NCAM2: variants seen among roughly 807,000 people sequenced by gnomAD.
NCAM2 encodes neural cell adhesion molecule 2, also known as N-CAM-2.
Under a neutral mutation model 98.1 loss-of-function variants are expected in NCAM2, and 30 were observed. The observed-to-expected ratio is 0.31, with a 90% confidence interval of 0.23 to 0.41. NCAM2 has a LOEUF of 0.41. Among genes scored for constraint, NCAM2 ranks in the 10% least tolerant of loss-of-function variants. The probability of loss-of-function intolerance (pLI) is 1.00; values close to 1 mark genes in which losing one functional copy is unlikely to be tolerated. For missense variants in NCAM2, 867 were observed against 1,005.8 expected, an observed-to-expected ratio of 0.86 and a Z score of 1.87; for synonymous variants, 368 against 342.4, an observed-to-expected ratio of 1.07 and a Z score of -0.83.
intron 5 of NCAM2, among the ~76,000 whole-genome samples, chr21:21,308,858 G>A (rs1183556438): frequency 4.7e-5 from 7 of 149,634 alleles, no homozygotes; most frequent in Non-Finnish European, 1.0e-4. Context: ...TTTCCTTTTT[G>A]TATTAATTTT....
At chr21:21,445,966 G>T (rs1171840118) in intron 12 of NCAM2, among the ~76,000 whole-genome samples, 2 of 152,100 alleles carry the variant, frequency 1.3e-5, no homozygotes, top group African/African-American at 2.4e-5. Flanking sequence ...GCAGTGGCTG[G>T]TACCAGTTTT....
intron 9 of NCAM2, among the ~76,000 whole-genome samples, chr21:21,409,951 G>T (rs1363665166): frequency 6.6e-6 from 1 of 152,038 alleles, no homozygotes; most frequent in Non-Finnish European, 1.5e-5. Context: ...GGCTAACACA[G>T]TGAAACCCCG....
intron 17 of NCAM2, among the ~76,000 whole-genome samples, chr21:21,535,262 A>C (rs955057558): frequency 6.6e-6 from 1 of 152,126 alleles, no homozygotes; most frequent in African/African-American, 2.4e-5. Flanking sequence ...CATGCACAGA[A>C]TAATTAGAAT....
At chr21:21,061,297 G>A (rs898200823) in intron 1 of NCAM2, among the ~76,000 whole-genome samples, 1 of 152,164 alleles carries the variant, frequency 6.6e-6, no homozygotes, top group Non-Finnish European at 1.5e-5. Context: ...GCTGGGGCTT[G>A]GCTTAATTAC....
At chr21:21,393,705 CAGA>C (rs2076432208) in intron 9 of NCAM2, among the ~76,000 whole-genome samples, 1 of 152,014 alleles carries the variant, frequency 6.6e-6, no homozygotes, top group Non-Finnish European at 1.5e-5. Flanking sequence ...TTTGATAACT[CAGA>C]AGTTTTTATG....
At chr21:21,221,124 C>T (rs1047952877) in intron 1 of NCAM2, among the ~76,000 whole-genome samples, 1 of 152,132 alleles carries the variant, frequency 6.6e-6, no homozygotes, top group Non-Finnish European at 1.5e-5. Context: ...TGGGGCACCA[C>T]GAACTGCACT....
intron 16 of NCAM2, among the ~76,000 whole-genome samples, chr21:21,526,607 G>C (rs1172003393): frequency 1.3e-5 from 2 of 152,056 alleles, no homozygotes; most frequent in South Asian, 2.1e-4. Flanking sequence ...GTCATTATAT[G>C]AATATTGACA....
intron 8 of NCAM2, among the ~76,000 whole-genome samples, chr21:21,358,762 C>T (rs1460738440): frequency 1.3e-5 from 2 of 151,942 alleles, no homozygotes; most frequent in African/African-American, 4.8e-5. Context: ...ACAAGTCTAC[C>T]ATTTATAAAT....
At chr21:21,069,364 T>C (rs1467878702) in intron 1 of NCAM2, among the ~76,000 whole-genome samples, 2 of 152,216 alleles carry the variant, frequency 1.3e-5, no homozygotes, top group East Asian at 1.9e-4. Flanking sequence ...AGAGACCCTT[T>C]AGGTTAAAAA....
intron 1 of NCAM2, among the ~76,000 whole-genome samples, chr21:21,208,816 A>G (rs528029829): frequency 1.3e-5 from 2 of 152,188 alleles, no homozygotes; most frequent in Non-Finnish European, 2.9e-5. Context: ...ATCATTTTAT[A>G]TCATGCTCAG....
intron 1 of NCAM2, among the ~76,000 whole-genome samples, chr21:21,210,033 C>T (rs2069590017): frequency 6.6e-6 from 1 of 152,144 alleles, no homozygotes; most frequent in Non-Finnish European, 1.5e-5. Flanking sequence ...AGAGCTCATA[C>T]TCCATAATGT....
chr21:21,071,967 C>T (rs949722349), intron 1 of NCAM2, among the ~76,000 whole-genome samples: 2 of 151,892 alleles, frequency 1.3e-5, no homozygotes, highest in Non-Finnish European at 2.9e-5. Flanking sequence ...GGCTGGAGTG[C>T]AGTGGCGCGA....
At chr21:21,035,836 C>T (rs9977303) in intron 1 of NCAM2, among the ~76,000 whole-genome samples, 145,896 of 152,276 alleles carry the variant, frequency 0.96, 70,215 homozygotes, top group East Asian at 1. Flanking sequence ...AGCAGTTTAC[C>T]TTGGACAAGA....
At chr21:21,381,876 A>G (rs959649349) in intron 9 of NCAM2, among the ~76,000 whole-genome samples, 1 of 152,048 alleles carries the variant, frequency 6.6e-6, no homozygotes, top group African/African-American at 2.4e-5. Context: ...CATTTCTTGT[A>G]GAGCAGATTT....
intron 1 of NCAM2, among the ~76,000 whole-genome samples, chr21:21,006,964 T>C (rs1020345347): frequency 6.6e-6 from 1 of 152,166 alleles, no homozygotes; most frequent in Non-Finnish European, 1.5e-5. Context: ...ATTAAGACTT[T>C]TATGGTTTTT....
At chr21:21,465,533 A>T (rs1009280374) in intron 12 of NCAM2, among the ~76,000 whole-genome samples, 1 of 123,032 alleles carries the variant, frequency 8.1e-6, no homozygotes, top group African/African-American at 3.2e-5. Flanking sequence ...TACAGAGAAT[A>T]TGTTATCTAG....
At chr21:21,419,676 C>G (rs1354527970) in intron 11 of NCAM2, among the ~76,000 whole-genome samples, 1 of 151,926 alleles carries the variant, frequency 6.6e-6, no homozygotes, top group Admixed American at 6.6e-5. Flanking sequence ...CATGTCCCTA[C>G]AGAGGACATG....
chr21:21,060,727 C>A (rs532077887), intron 1 of NCAM2, among the ~76,000 whole-genome samples: 1 of 152,044 alleles, frequency 6.6e-6, no homozygotes, highest in African/African-American at 2.4e-5. Flanking sequence ...TTTACCCACA[C>A]ATATAGTTTT....
At chr21:21,389,557 C>A (rs2076337195) in intron 9 of NCAM2, among the ~76,000 whole-genome samples, 1 of 152,046 alleles carries the variant, frequency 6.6e-6, no homozygotes, top group African/African-American at 2.4e-5. Flanking sequence ...AATTTTGTAC[C>A]CATTAACCAA....
Sources: gnomAD v4.1 joint callset for allele counts (sites outside exome capture counted in the v4.1 genomes callset) on GRCh38, gnomAD v4.1.1 for gene constraint, MANE v1.5 for transcripts, NCBI Gene and HGNC (gene_info 2026-07-23, HGNC 2026-07-21) for gene names.